The following PCDHA4 variants were observed in gnomAD, a reference collection of about 807,000 sequenced individuals.
The protein encoded by PCDHA4 is protocadherin alpha 4, also known as protocadherin alpha-4.
Under a neutral mutation model 61.4 loss-of-function variants are expected in PCDHA4, and 49 were observed. The ratio of observed to expected loss-of-function variants is 0.80; its 90% CI spans 0.63 to 1.01. PCDHA4 has a LOEUF of 1.01. Ranked by LOEUF, PCDHA4 falls within the 50% of genes least tolerant of loss-of-function variation. The pLI, the probability that PCDHA4 is intolerant of heterozygous loss-of-function variation, is 0.00. For missense variants in PCDHA4, 1,254 were observed against 1,235.8 expected, an observed-to-expected ratio of 1.01 and a Z score of -0.22; for synonymous variants, 590 against 550.3, an observed-to-expected ratio of 1.07 and a Z score of -1.01.
At chr5:140,875,346 T>C in intron 1 of PCDHA4, 1 of 1,443,436 alleles carries the variant, frequency 6.9e-7, no homozygotes. Flanking sequence ...GACTCCATAA[T>C]GACTGTGATG....
intron 1 of PCDHA4, chr5:140,851,060 C>T (rs2041943229): frequency 1.5e-6 from 2 of 1,374,418 alleles, no homozygotes; most frequent in Admixed American, 2.8e-5. Flanking sequence ...GTCTTGACTT[C>T]TAGTGAGAAT....
chr5:140,895,995 G>A (rs2065293379), intron 1 of PCDHA4, among the ~76,000 whole-genome samples: 1 of 152,058 alleles, frequency 6.6e-6, no homozygotes, highest in Non-Finnish European at 1.5e-5. Flanking sequence ...ATTTTAAGTA[G>A]AGACAGGGTT....
At chr5:140,990,507 T>C (rs1554251511) in intron 3 of PCDHA4, among the ~76,000 whole-genome samples, 1 of 152,158 alleles carries the variant, frequency 6.6e-6, no homozygotes, top group East Asian at 1.9e-4. Context: ...CCCCAAGTCT[T>C]CTCTCTTGTC....
chr5:140,817,295 A>AG (rs1269324831), intron 1 of PCDHA4: 16 of 152,208 alleles, frequency 1.1e-4, no homozygotes, highest in Non-Finnish European at 2.1e-4. Flanking sequence ...ATGGGACTAT[A>AG]GGGAAAGTGC....
chr5:140,973,388 G>T (rs1192097180), intron 1 of PCDHA4, among the ~76,000 whole-genome samples: 4 of 152,202 alleles, frequency 2.6e-5, no homozygotes, highest in South Asian at 4.1e-4. Flanking sequence ...AATAGACAAA[G>T]AAATCATATC....
chr5:140,870,009 G>T, intron 1 of PCDHA4: 2 of 1,613,488 alleles, frequency 1.2e-6, no homozygotes, highest in Non-Finnish European at 1.7e-6. Flanking sequence ...GAGAAGTGAG[G>T]GTCAATGGAA....
intron 1 of PCDHA4, chr5:140,865,693 C>T (rs1274401482): frequency 6.6e-6 from 1 of 152,076 alleles, no homozygotes; most frequent in South Asian, 2.1e-4. Context: ...TATGACTGTT[C>T]CAATTTGAAA....
At chr5:140,882,009 A>C in intron 1 of PCDHA4, 1 of 522,488 alleles carries the variant, frequency 1.9e-6, no homozygotes, top group East Asian at 3.2e-5. Context: ...AGGGGCAAAA[A>C]AATACTACAT....
intron 1 of PCDHA4, among the ~76,000 whole-genome samples, chr5:140,897,453 C>T (rs1437046068): frequency 6.6e-6 from 1 of 151,162 alleles, no homozygotes; most frequent in African/African-American, 2.4e-5. Context: ...GTTTTTTGTC[C>T]TTGCGATAGT....
Position 140,842,387 on chromosome 5 carries a change from T to G in PCDHA4, c.2385+32815T>G, listed in dbSNP as rs2150335066. Reference sequence around the variant, plus strand: ...CCCTGAGATAGCACTGACTTCCTTATCCTTGCCTGTACGTGAAGACGCTCA... The same window carrying G: ...CCCTGAGATAGCACTGACTTCCTTAGCCTTGCCTGTACGTGAAGACGCTCA... On this transcript the variant is annotated intron_variant, in intron 1 of 3. Transcript: ENST00000530339. 4.3e-6 allele frequency: 7 copies of G among 1,611,016 alleles called. No individual in the cohort carries two copies. In the East Asian group the frequency reaches 1.6e-4, roughly 36 times the overall value.
intron 3 of PCDHA4, among the ~76,000 whole-genome samples, chr5:140,992,017 CTGTG>C (rs10602499): frequency 0.28 from 40,265 of 145,404 alleles, 5,754 homozygotes; most frequent in East Asian, 0.38. Flanking sequence ...AGAGGTGGCT[CTGTG>C]TGTGTGTGTG....
intron 1 of PCDHA4, chr5:140,930,374 C>G (rs549190703): frequency 6.6e-6 from 1 of 151,988 alleles, no homozygotes; most frequent in South Asian, 2.1e-4. Flanking sequence ...TGTTAGTGGC[C>G]CTTGGCATTT....
chr5:140,936,270 T>C (rs1367001317), intron 1 of PCDHA4, among the ~76,000 whole-genome samples: 1 of 152,226 alleles, frequency 6.6e-6, no homozygotes, highest in African/African-American at 2.4e-5. Flanking sequence ...GAAGATATAT[T>C]CCTGTGTTTT....
intron 1 of PCDHA4, chr5:140,969,505 A>G (rs973647679): frequency 1.4e-6 from 2 of 1,428,552 alleles, no homozygotes; most frequent in South Asian, 3.0e-5. Context: ...CTAGAAAAAT[A>G]GCACTAAAGA....
chr5:141,010,374 C>A lies in PCDHA4; in HGVS notation c.*437C>A. 2 of 1,459,768 alleles carry A rather than the reference C, an allele frequency of 1.4e-6. No homozygotes were observed. Among genetic ancestry groups the A allele is most frequent in the South Asian group, 1.4e-5 (1 of 73,044 alleles). 90.4% of individuals were successfully genotyped at this position (1,459,768 alleles called of 1,614,324 possible). On this transcript the variant is annotated 3_prime_UTR_variant, in exon 4 of 4. Coordinates refer to ENST00000530339, the MANE Select transcript of PCDHA4 (RefSeq NM_018907.4). ...TGTGGCTACCGCGGGTATGCGAGTG[C>A]CAGATATTGGCTGAGACGAGCCAGC...
At chr5:140,942,351 G>A (rs893015832) in intron 1 of PCDHA4, among the ~76,000 whole-genome samples, 1 of 152,024 alleles carries the variant, frequency 6.6e-6, no homozygotes, top group Admixed American at 6.6e-5. Flanking sequence ...GGCGGAGGTT[G>A]CAGTTAACGG....
chr5:140,857,735 G>A (rs782288464), intron 1 of PCDHA4: 1 of 1,597,334 alleles, frequency 6.3e-7, no homozygotes. Context: ...CAACGCTCCC[G>A]CGCTGCTGGC....
At position 140,835,736 on chromosome 5, in the gene PCDHA4, C is replaced by T. The variant is rs2150243450; in HGVS notation, c.2385+26164C>T. ...TGGAGGTGGCCGACGTGAACGACAACGCCCCGGCGTTCGCGCAGCCCGAGT... is the reference window on the plus strand; with the variant it reads ...TGGAGGTGGCCGACGTGAACGACAATGCCCCGGCGTTCGCGCAGCCCGAGT... On this transcript the variant is annotated intron_variant, in intron 1 of 3. Coordinates refer to ENST00000530339, the MANE Select transcript of PCDHA4 (RefSeq NM_018907.4). 7.4e-6 allele frequency: 12 copies of T among 1,613,586 alleles called. No individual in the cohort carries two copies. The African/African-American group carries it at 8.0e-5, about 11-fold the overall frequency.
At chr5:140,973,753 G>A (rs935956688) in intron 1 of PCDHA4, among the ~76,000 whole-genome samples, 1 of 152,244 alleles carries the variant, frequency 6.6e-6, no homozygotes, top group Non-Finnish European at 1.5e-5. Flanking sequence ...ACACTCTGCA[G>A]GGACACAGCC....
Sources: gnomAD v4.1 joint callset for allele counts (sites outside exome capture counted in the v4.1 genomes callset) on GRCh38, gnomAD v4.1.1 for gene constraint, MANE v1.5 for transcripts, NCBI Gene and HGNC (gene_info 2026-07-23, HGNC 2026-07-21) for gene names.